CACNA2D1: variants seen among roughly 807,000 people sequenced by gnomAD.
The protein encoded by CACNA2D1 is calcium voltage-gated channel auxiliary subunit alpha2delta 1.
Under a neutral mutation model 171.5 loss-of-function variants are expected in CACNA2D1, and 53 were observed. That is an observed-to-expected ratio of 0.31 (90% CI 0.25 to 0.39). The LOEUF (loss-of-function observed/expected upper bound fraction) is 0.39, where lower values mean the gene tolerates loss of function less well. Among genes scored for constraint, CACNA2D1 ranks in the 10% least tolerant of loss-of-function variants. CACNA2D1 has a pLI of 1.00. For synonymous variants in CACNA2D1, 442 were observed against 443.1 expected, an observed-to-expected ratio of 1.00 and a Z score of 0.03; for missense variants, 903 against 1,299.8, an observed-to-expected ratio of 0.69 and a Z score of 4.69.
chr7:82,334,994 A>C (rs1243736137), intron 3 of CACNA2D1, 141 bp downstream of exon 3: 1 of 626,072 alleles, frequency 1.6e-6, no homozygotes, highest in Non-Finnish European at 2.9e-6. Flanking sequence ...AAACCATGAT[A>C]TCTCATTTTT....
At chr7:82,245,475 C>G (rs1804794873) in intron 3 of CACNA2D1, among the ~76,000 whole-genome samples, 1 of 151,696 alleles carries the variant, frequency 6.6e-6, no homozygotes, top group Non-Finnish European at 1.5e-5. Flanking sequence ...TCCAAAGATG[C>G]AAAAAAACTC....
intron 1 of CACNA2D1, among the ~76,000 whole-genome samples, chr7:82,419,209 T>A (rs1012988577): frequency 1.3e-5 from 2 of 152,166 alleles, no homozygotes; most frequent in East Asian, 3.9e-4. Flanking sequence ...GGGGTCTCTG[T>A]AATTGTACCT....
chr7:82,137,018 A>G (rs1170776458), intron 4 of CACNA2D1, among the ~76,000 whole-genome samples: 3 of 152,232 alleles, frequency 2.0e-5, no homozygotes, highest in Non-Finnish European at 4.4e-5. Context: ...TTCAAGAAGC[A>G]TGTAAGATAC....
intron 6 of CACNA2D1, among the ~76,000 whole-genome samples, chr7:82,090,787 C>T (rs1272556101): frequency 1.3e-5 from 2 of 151,944 alleles, no homozygotes; most frequent in African/African-American, 2.4e-5. Flanking sequence ...AATTTTTGGA[C>T]AATCATAGAA....
chr7:82,422,250 T>C (rs933819187), intron 1 of CACNA2D1, among the ~76,000 whole-genome samples: 1 of 152,196 alleles, frequency 6.6e-6, no homozygotes, highest in Non-Finnish European at 1.5e-5. Flanking sequence ...CAATTTCTAT[T>C]GGTAAGATTT....
At chr7:82,420,625 C>G (rs1485834172) in intron 1 of CACNA2D1, among the ~76,000 whole-genome samples, 1 of 152,120 alleles carries the variant, frequency 6.6e-6, no homozygotes, top group Non-Finnish European at 1.5e-5. Context: ...CCAGTTCTGT[C>G]TCTTATAAAA....
intron 1 of CACNA2D1, among the ~76,000 whole-genome samples, chr7:82,409,554 T>C (rs2129454371): frequency 6.6e-6 from 1 of 152,300 alleles, no homozygotes; most frequent in Admixed American, 6.5e-5. Context: ...TTCTTAAAAA[T>C]ACCAATGCCA....
chr7:82,058,779 CT>C (rs1806250431), intron 10 of CACNA2D1, among the ~76,000 whole-genome samples: 1 of 152,116 alleles, frequency 6.6e-6, no homozygotes, highest in Admixed American at 6.5e-5. Flanking sequence ...ACACATTCTT[CT>C]TGCCCACATG....
intron 5 of CACNA2D1, among the ~76,000 whole-genome samples, chr7:82,124,493 T>G (rs933236011): frequency 2.0e-5 from 3 of 152,102 alleles, no homozygotes; most frequent in Non-Finnish European, 2.9e-5. Context: ...GCAGGCCAAA[T>G]CTTCTTCTGT....
chr7:82,278,714 A>G (rs1809686899), intron 3 of CACNA2D1, among the ~76,000 whole-genome samples: 1 of 152,180 alleles, frequency 6.6e-6, no homozygotes, highest in South Asian at 2.1e-4. Context: ...AACAATTCAA[A>G]CAGAAATTAA....
At chr7:81,990,423 G>C (rs1797420659) in intron 21 of CACNA2D1, among the ~76,000 whole-genome samples, 1 of 152,086 alleles carries the variant, frequency 6.6e-6, no homozygotes, top group Non-Finnish European at 1.5e-5. Flanking sequence ...GAATGTAGGA[G>C]AGAGTGACAA....
chr7:82,189,191 C>T (rs1378248248), intron 3 of CACNA2D1, among the ~76,000 whole-genome samples: 2 of 152,022 alleles, frequency 1.3e-5, no homozygotes, highest in Non-Finnish European at 2.9e-5. Flanking sequence ...AATAATTAGG[C>T]CTTAAAGAAG....
chr7:82,387,810 C>T (rs1488704331), intron 1 of CACNA2D1, among the ~76,000 whole-genome samples: 1 of 152,128 alleles, frequency 6.6e-6, no homozygotes, highest in Non-Finnish European at 1.5e-5. Context: ...GCCGGGTGCA[C>T]TGGCTCATGC....
At chr7:82,021,819 T>G (rs898587515) in intron 12 of CACNA2D1, among the ~76,000 whole-genome samples, 1 of 151,692 alleles carries the variant, frequency 6.6e-6, no homozygotes, top group Non-Finnish European at 1.5e-5. Context: ...TGTAGAAAGG[T>G]TGACTGGGGG....
At chr7:82,053,604 GACCAGTAATACCAGGAGCTGAA>G (rs1408452993) in intron 10 of CACNA2D1, among the ~76,000 whole-genome samples, 3 of 152,110 alleles carry the variant, frequency 2.0e-5, no homozygotes, top group African/African-American at 7.2e-5. Context: ...TAGGAGCTGG[GACCAGTAATACCAGGAGCTGAA>G]ACCAGTAATA....
intron 5 of CACNA2D1, among the ~76,000 whole-genome samples, chr7:82,125,915 T>C (rs551817699): frequency 6.6e-6 from 1 of 152,326 alleles, no homozygotes; most frequent in South Asian, 2.1e-4. Flanking sequence ...CCTTTCATTA[T>C]TAACACATTC....
chr7:81,980,935 T>C (rs1796378918), intron 24 of CACNA2D1, among the ~76,000 whole-genome samples: 1 of 152,196 alleles, frequency 6.6e-6, no homozygotes, highest in Non-Finnish European at 1.5e-5. Flanking sequence ...CAATTATTTA[T>C]AAGATGCTAA....
intron 3 of CACNA2D1, among the ~76,000 whole-genome samples, chr7:82,214,801 T>C (rs998986678): frequency 6.6e-6 from 1 of 152,192 alleles, no homozygotes; most frequent in South Asian, 2.1e-4. Flanking sequence ...ATAAGTCTTG[T>C]GACCAAAAAT....
intron 18 of CACNA2D1, among the ~76,000 whole-genome samples, chr7:82,002,892 G>A (rs1360789729): frequency 6.6e-6 from 1 of 151,406 alleles, no homozygotes; most frequent in African/African-American, 2.4e-5. Context: ...AAAAAAAAAA[G>A]AGGAATACTT....
Sources: allele counts gnomAD v4.1 joint callset (sites outside exome capture counted in the v4.1 genomes callset), GRCh38; gene constraint gnomAD v4.1.1; transcripts MANE v1.5; gene names NCBI Gene and HGNC (gene_info 2026-07-23, HGNC 2026-07-21).